Variants in RAB27B observed in about 807,000 individuals in gnomAD.
RAB27B encodes RAB27B, member RAS oncogene family, also known as ras-related protein Rab-27B.
RAB27B carries 15 observed loss-of-function variants against 24.6 expected under a neutral mutation model. The observed-to-expected ratio is 0.61, with a 90% CI of 0.41 to 0.94. RAB27B has a LOEUF of 0.94. RAB27B is among the 40% of genes least tolerant of loss of function. The pLI is 0.00. For synonymous variants in RAB27B, 105 were observed against 92.5 expected, an observed-to-expected ratio of 1.14 and a Z score of -0.78; for missense variants, 261 against 266.8, an observed-to-expected ratio of 0.98 and a Z score of 0.15.
chr18:54,884,370 A>G lies in RAB27B; in HGVS notation c.277A>G (p.Met93Val), dbSNP rs770617882. ...SLTTAFFRDAMGFLLMFDLTS... is the reference protein window; with the variant it reads ...SLTTAFFRDAVGFLLMFDLTS... ...CACCACTGCATTTTTCAGAGACGCC[A>G]TGGGCTTCTTATTAATGTTTGACCT... The change falls in exon 4 of 6, where the codon ATG (methionine) becomes GTG (valine). Residue 93 changes from methionine (M) to valine (V), a missense_variant. By Grantham distance (21) the Met-to-Val change is conservative. Coordinates refer to ENST00000262094, the MANE Select transcript of RAB27B (RefSeq NM_004163.4). 20 of 1,612,960 alleles carry G rather than the reference A, an allele frequency of 1.2e-5. No individual in the cohort carries two copies. Among genetic ancestry groups the G allele is most frequent in the Non-Finnish European group, 1.5e-5 (18 of 1,179,124 alleles).
intron 1 of RAB27B, among the ~76,000 whole-genome samples, chr18:54,874,493 C>T (rs1451153570): frequency 1.3e-5 from 2 of 150,506 alleles, no homozygotes; most frequent in African/African-American, 4.9e-5. Flanking sequence ...GTATTGAAGA[C>T]ATTTAACTAG....
At chr18:54,798,717 A>C (rs34457987) in intron 2 of RAB27B, among the ~76,000 whole-genome samples, 10,991 of 152,330 alleles carry the variant, frequency 0.072, 563 homozygotes, top group Non-Finnish European at 0.11. Context: ...TGAAACTTCT[A>C]AGTTGCTAAC....
intron 2 of RAB27B, among the ~76,000 whole-genome samples, chr18:54,728,559 T>G (rs1046786019): frequency 6.6e-6 from 1 of 151,920 alleles, no homozygotes; most frequent in African/African-American, 2.4e-5. Context: ...AGGAAGTTCT[T>G]TGAGTGGAAG....
rs148747981 is a variant in RAB27B at position 54,844,408 on chromosome 18, C to CTT, written c.-20+15725_-20+15726dup. ...TTTCTTTCTTTCTTTCTTTTCTTTTCTTTTTTTTTTTTTTTTTTGATACAG... is the reference window on the plus strand; with the variant it reads ...TTTCTTTCTTTCTTTCTTTTCTTTTCTTTTTTTTTTTTTTTTTTTTGATACAG... On this transcript the variant is annotated intron_variant, in intron 1 of 5. Coordinates refer to ENST00000262094, the MANE Select transcript of RAB27B (RefSeq NM_004163.4). Among the ~76,000 whole-genome samples, 311 of 107,788 alleles carry CTT rather than the reference C, an allele frequency of 2.9e-3. 6 individuals carry two copies. Among genetic ancestry groups the CTT allele is most frequent in the African/African-American group, 8.6e-3 (256 of 29,718 alleles). The allele number at this position is 107,788 out of a possible 152,430, so 70.7% of individuals were successfully genotyped here. A position where few individuals can be genotyped will look rare whatever the true frequency, so the allele number is the denominator to read the frequency against.
At chr18:54,796,408 AG>A (rs1469874822) in intron 2 of RAB27B, among the ~76,000 whole-genome samples, 3 of 152,220 alleles carry the variant, frequency 2.0e-5, no homozygotes, top group African/African-American at 7.2e-5. Context: ...GTGTTTGCCC[AG>A]TGTACCAGAA....
At chr18:54,840,749 A>G (rs766193508) in intron 1 of RAB27B, among the ~76,000 whole-genome samples, 4 of 152,102 alleles carry the variant, frequency 2.6e-5, no homozygotes, top group Non-Finnish European at 5.9e-5. Context: ...CAGGAAGGGA[A>G]TTTCATAGAA....
intron 2 of RAB27B, among the ~76,000 whole-genome samples, chr18:54,753,064 G>A (rs1907887227): frequency 6.6e-6 from 1 of 152,118 alleles, no homozygotes; most frequent in African/African-American, 2.4e-5. Context: ...TGAAGAAAAT[G>A]ATCAATTTGC....
intron 2 of RAB27B, among the ~76,000 whole-genome samples, chr18:54,773,902 A>G (rs1400678898): frequency 2.6e-5 from 4 of 151,748 alleles, no homozygotes; most frequent in South Asian, 4.2e-4. Flanking sequence ...CTGGTCTTGG[A>G]CTCCTGACCT....
chr18:54,791,209 AAAAG>A (rs1256397904), intron 2 of RAB27B, among the ~76,000 whole-genome samples: 7 of 152,134 alleles, frequency 4.6e-5, no homozygotes, highest in Admixed American at 1.3e-4. Flanking sequence ...AAAAAAAGAA[AAAAG>A]AAAGAAGAAG....
intron 1 of RAB27B, among the ~76,000 whole-genome samples, chr18:54,851,028 A>G (rs767401887): frequency 7.2e-5 from 11 of 152,100 alleles, no homozygotes; most frequent in Non-Finnish European, 1.2e-4. Flanking sequence ...TGAAGATTCA[A>G]TTAACTAATA....
At chr18:54,802,261 C>T (rs920044219) in intron 2 of RAB27B, among the ~76,000 whole-genome samples, 1 of 152,178 alleles carries the variant, frequency 6.6e-6, no homozygotes, top group Non-Finnish European at 1.5e-5. Flanking sequence ...AAGGAGGACA[C>T]AGAGGTTGTA....
intron 1 of RAB27B, among the ~76,000 whole-genome samples, chr18:54,864,426 G>T (rs1405212432): frequency 6.6e-6 from 1 of 151,850 alleles, no homozygotes; most frequent in Non-Finnish European, 1.5e-5. Context: ...TGATTTGCAG[G>T]TATTTTCACC....
At chr18:54,805,265 C>T (rs896759029) in intron 2 of RAB27B, among the ~76,000 whole-genome samples, 1 of 152,110 alleles carries the variant, frequency 6.6e-6, no homozygotes, top group African/African-American at 2.4e-5. Flanking sequence ...AGACAACTCT[C>T]GTAGACTAAG....
intron 2 of RAB27B, among the ~76,000 whole-genome samples, chr18:54,811,830 G>C (rs569686842): frequency 6.6e-6 from 1 of 152,202 alleles, no homozygotes; most frequent in Admixed American, 6.5e-5. Flanking sequence ...AAGCAAGTTT[G>C]CCTGATGCAG....
chr18:54,792,391 A>G (rs1362021712), intron 2 of RAB27B, among the ~76,000 whole-genome samples: 5 of 152,190 alleles, frequency 3.3e-5, no homozygotes, highest in Admixed American at 2.0e-4. Flanking sequence ...GCAAGATCCT[A>G]TCTTAAAAAA....
At chr18:54,753,660 C>A (rs750977021) in intron 2 of RAB27B, among the ~76,000 whole-genome samples, 1 of 147,354 alleles carries the variant, frequency 6.8e-6, no homozygotes, top group Non-Finnish European at 1.5e-5. Context: ...AGATTTTTCC[C>A]TAAAACAAAA....
At chr18:54,840,873 G>A (rs1028793972) in intron 1 of RAB27B, among the ~76,000 whole-genome samples, 3 of 152,174 alleles carry the variant, frequency 2.0e-5, no homozygotes, top group Non-Finnish European at 4.4e-5. Flanking sequence ...AGCTGGGCAC[G>A]GTGGGTGGCT....
intron 1 of RAB27B, among the ~76,000 whole-genome samples, chr18:54,857,324 C>T (rs764053094): frequency 6.6e-6 from 1 of 152,202 alleles, no homozygotes; most frequent in Non-Finnish European, 1.5e-5. Context: ...AATAATTCCA[C>T]CTTACTTCCA....
chr18:54,825,142 A>G (rs532707937), upstream of RAB27B, among the ~76,000 whole-genome samples: 1 of 152,346 alleles, frequency 6.6e-6, no homozygotes, highest in South Asian at 2.1e-4. Flanking sequence ...GAAGGCATTC[A>G]AAGAAACTTC....
Sources: allele counts gnomAD v4.1 joint callset (sites outside exome capture counted in the v4.1 genomes callset), GRCh38; gene constraint gnomAD v4.1.1; transcripts MANE v1.5; gene names NCBI Gene and HGNC (gene_info 2026-07-23, HGNC 2026-07-21).